The following TAF4B variants were observed in gnomAD, a reference collection of about 807,000 sequenced individuals.
TAF4B encodes transcription initiation factor TFIID subunit 4B.
In TAF4B, 38 loss-of-function variants were observed where a neutral mutation model predicts 86.4. The observed-to-expected ratio is 0.44, with a 90% CI of 0.34 to 0.58. TAF4B has a LOEUF of 0.58. TAF4B is among the 20% of genes least tolerant of loss of function. The pLI, the probability that TAF4B is intolerant of heterozygous loss-of-function variation, is 0.02. For missense variants in TAF4B, 988 were observed against 1,027.6 expected, an observed-to-expected ratio of 0.96 and a Z score of 0.53; for synonymous variants, 388 against 391.2, an observed-to-expected ratio of 0.99 and a Z score of 0.10.
intron 9 of TAF4B, among the ~76,000 whole-genome samples, chr18:26,301,908 C>T (rs56844777): frequency 0.014 from 2,168 of 152,176 alleles, 38 homozygotes; most frequent in African/African-American, 0.05. Flanking sequence ...TCTTGTTCCA[C>T]GTCAAGAATC....
At chr18:26,386,586 C>G (rs929057625) in intron 14 of TAF4B, among the ~76,000 whole-genome samples, 2 of 152,138 alleles carry the variant, frequency 1.3e-5, no homozygotes, top group Non-Finnish European at 2.9e-5. Context: ...TCTCATCTCC[C>G]CCATGGGAAC....
chr18:26,365,639 T>A (rs1171577492), intron 14 of TAF4B, among the ~76,000 whole-genome samples: 1 of 152,200 alleles, frequency 6.6e-6, no homozygotes, highest in East Asian at 1.9e-4. Flanking sequence ...TAGTAGCGAT[T>A]TGTGGACTTA....
At chr18:26,276,125 A>G (rs1006901816) in intron 5 of TAF4B, among the ~76,000 whole-genome samples, 6 of 152,120 alleles carry the variant, frequency 3.9e-5, no homozygotes, top group Admixed American at 3.3e-4. Context: ...ATAGACACCA[A>G]GCTTTGGGAC....
intron 12 of TAF4B, among the ~76,000 whole-genome samples, chr18:26,329,909 A>G (rs774432725): frequency 1.3e-5 from 2 of 152,020 alleles, no homozygotes; most frequent in African/African-American, 2.4e-5. Context: ...GGCTTAAGCA[A>G]TCCTCCCACC....
intron 11 of TAF4B, 70 bp downstream of exon 11, chr18:26,321,270 T>C: frequency 7.2e-6 from 11 of 1,523,808 alleles, no homozygotes; most frequent in South Asian, 1.2e-5. Flanking sequence ...TGGATTGATA[T>C]TCTAAACACG....
At chr18:26,298,712 T>C (rs1287248773) in intron 9 of TAF4B, among the ~76,000 whole-genome samples, 1 of 151,850 alleles carries the variant, frequency 6.6e-6, no homozygotes, top group Admixed American at 6.6e-5. Flanking sequence ...TTTTTTTTTA[T>C]TTCCCATTTA....
rs771912828 is a variant in TAF4B, at chr18:26,321,388, A to G, written c.2133+188A>G. On this transcript the variant is annotated intron_variant, in intron 11 of 14. Coordinates refer to ENST00000269142, the MANE Select transcript of TAF4B (RefSeq NM_005640.3). ...AAATAAAATTAAAATGGAGTTTAAA[A>G]TGATATTAAAAGCTTCTGTGTCACT... Among the ~76,000 whole-genome samples the G allele has an allele frequency of 2.2e-4, 34 of 152,182 alleles. No individual in the cohort carries two copies. Among genetic ancestry groups the G allele is most frequent in the Non-Finnish European group, 3.8e-4 (26 of 68,032 alleles).
chr18:26,387,804 A>G (rs892886865), intron 14 of TAF4B, among the ~76,000 whole-genome samples: 4 of 152,192 alleles, frequency 2.6e-5, no homozygotes, highest in Non-Finnish European at 5.9e-5. Flanking sequence ...TAACTTAATG[A>G]GTATAAAAAT....
intron 14 of TAF4B, among the ~76,000 whole-genome samples, chr18:26,388,759 T>C (rs1351008630): frequency 6.6e-6 from 1 of 152,186 alleles, no homozygotes; most frequent in Non-Finnish European, 1.5e-5. Flanking sequence ...ATACGTGATA[T>C]GGTGGATAAT....
In TAF4B at chr18:26,298,635, C is replaced by T. The variant is rs537355250; in HGVS notation, c.1832+5104C>T. Among the ~76,000 whole-genome samples the T allele has an allele frequency of 1.1e-3, 170 of 152,148 alleles. 1 individual carries two copies. Among genetic ancestry groups the T allele is most frequent in the African/African-American group, 3.9e-3 (161 of 41,514 alleles). On this transcript the variant is annotated intron_variant, in intron 9 of 14. Transcript: ENST00000269142. Reference sequence around the variant, plus strand: ...GCAGCCTCAGACTCCTGAGCTTAAGCGACCCATCTGCCTCAGGCTCTCAAG... The same window carrying T: ...GCAGCCTCAGACTCCTGAGCTTAAGTGACCCATCTGCCTCAGGCTCTCAAG...
intron 14 of TAF4B, among the ~76,000 whole-genome samples, chr18:26,381,087 T>A (rs1251886492): frequency 6.6e-6 from 1 of 152,132 alleles, no homozygotes. Context: ...CAATCATTGC[T>A]CATTACAGCC....
At chr18:26,293,866 A>G (rs1375352788) in intron 9 of TAF4B, among the ~76,000 whole-genome samples, 2 of 152,122 alleles carry the variant, frequency 1.3e-5, no homozygotes, top group Admixed American at 6.6e-5. Context: ...ATTTTTGTCT[A>G]TTCTTGAACT....
At chr18:26,382,434 A>C (rs955084356) in intron 14 of TAF4B, among the ~76,000 whole-genome samples, 3 of 152,066 alleles carry the variant, frequency 2.0e-5, no homozygotes, top group African/African-American at 7.2e-5. Flanking sequence ...TGGTGGGCTG[A>C]AGCACTTTCT....
intron 1 of TAF4B, among the ~76,000 whole-genome samples, chr18:26,240,051 T>G (rs1276876457): frequency 1.3e-4 from 20 of 152,308 alleles, no homozygotes; most frequent in South Asian, 4.1e-4. Flanking sequence ...TTTTGGCTTA[T>G]GATTGTCTTG....
intron 1 of TAF4B, among the ~76,000 whole-genome samples, chr18:26,260,279 A>T (rs1191466497): frequency 6.6e-6 from 1 of 152,092 alleles, no homozygotes; most frequent in Non-Finnish European, 1.5e-5. Flanking sequence ...GAAGCTCTTT[A>T]GTTTAATAAG....
At chr18:26,384,331 T>C (rs1238964921) in intron 14 of TAF4B, among the ~76,000 whole-genome samples, 2 of 152,206 alleles carry the variant, frequency 1.3e-5, no homozygotes, top group East Asian at 3.8e-4. Context: ...GGGAATTGAA[T>C]GAAAGAGATT....
In TAF4B at chr18:26,226,992, C is replaced by G; in HGVS notation, c.59C>G (p.Ser20Trp). The G allele has an allele frequency of 7.0e-7, 1 of 1,426,896 alleles. No homozygotes were observed. 88.4% of individuals were successfully genotyped at this position (1,426,896 alleles called of 1,614,324 possible). A position where few individuals can be genotyped will look rare whatever the true frequency, so the allele number is the denominator to read the frequency against. ...GCTCCCCCGGCTGCTGTGAGCGCCT[C>G]GGGGACCGTGACCATGGCCCCGGCC... The part of the protein sequence containing the change: ...GAAPPAAVSA[S>W]GTVTMAPAGA... The change falls in exon 1 of 15, where the codon TCG (serine) becomes TGG (tryptophan). Residue 20 changes from serine to tryptophan, a missense_variant. Ser to Trp is a radical substitution (Grantham distance 177, BLOSUM62 -3). Around this residue, in one of 3 missense-constraint regions of TAF4B, gnomAD observed 747 missense variants for 737.9 expected, o/e 1.01. Coordinates refer to ENST00000269142, the MANE Select transcript of TAF4B (RefSeq NM_005640.3).
chr18:26,382,520 G>T (rs573618874), intron 14 of TAF4B, among the ~76,000 whole-genome samples: 1 of 152,164 alleles, frequency 6.6e-6, no homozygotes, highest in Non-Finnish European at 1.5e-5. Context: ...GGGATGAGTA[G>T]GTGAGGTAAG....
chr18:26,361,701 C>T (rs1164643804), intron 14 of TAF4B, among the ~76,000 whole-genome samples: 3 of 148,048 alleles, frequency 2.0e-5, no homozygotes, highest in East Asian at 4.0e-4. Context: ...GCCGAGATCG[C>T]GCCACTCCCC....
Sources: allele counts gnomAD v4.1 joint callset (sites outside exome capture counted in the v4.1 genomes callset), GRCh38; gene constraint gnomAD v4.1.1; regional missense constraint gnomAD v4.1.1; transcripts MANE v1.5; gene names NCBI Gene and HGNC (gene_info 2026-07-23, HGNC 2026-07-21).